The following ITFG2 variants were observed in gnomAD, a reference collection of about 807,000 sequenced individuals.
ITFG2 encodes the protein KICSTOR complex protein ITFG2.
Under a neutral mutation model 54.4 loss-of-function variants are expected in ITFG2, and 36 were observed. The observed-to-expected ratio is 0.66, with a 90% CI of 0.51 to 0.87. The LOEUF is 0.87. Among genes scored for constraint, ITFG2 ranks in the 40% least tolerant of loss-of-function variants. The pLI, the probability that ITFG2 is intolerant of heterozygous loss-of-function variation, is 0.00. For missense variants in ITFG2, 524 were observed against 576.7 expected, an observed-to-expected ratio of 0.91 and a Z score of 0.94; for synonymous variants, 211 against 225.4, an observed-to-expected ratio of 0.94 and a Z score of 0.57.
chr12:2,858,672 A>C, intron 3 of ITFG2: 1 of 1,614,118 alleles, frequency 6.2e-7, no homozygotes, highest in Non-Finnish European at 8.5e-7. Context: ...GGACCAGTTG[A>C]TGTTGTCAGG....
At chr12:2,835,408 G>A (rs571987072), upstream of ITFG2, 7 of 179,970 alleles carry the variant, frequency 3.9e-5, no homozygotes, top group South Asian at 3.3e-4. Context: ...CAGGGCTGGC[G>A]CGCAGGCCAG....
intron 2 of ITFG2, chr12:2,855,314 G>A: frequency 6.5e-7 from 1 of 1,532,444 alleles, no homozygotes; most frequent in Non-Finnish European, 8.7e-7. Flanking sequence ...TCTGTGCAGG[G>A]CGGCAGCTTC....
chr12:2,828,610 C>T (rs551394175), downstream of ITFG2, among the ~76,000 whole-genome samples: 6 of 152,194 alleles, frequency 3.9e-5, no homozygotes, highest in Admixed American at 6.5e-5. Flanking sequence ...AAGGCCGAGG[C>T]GGGTGGATCA....
At chr12:2,827,222 T>C (rs1160811474), downstream of ITFG2, 1 of 1,614,018 alleles carries the variant, frequency 6.2e-7, no homozygotes, top group Non-Finnish European at 8.5e-7. This position sits in a 1 kb window ranked among gnomAD's most constrained non-coding sequence, Gnocchi z 4.0. Flanking sequence ...GGCCAGGCTC[T>C]TGGTACAAAG....
Position 2,821,377 on chromosome 12 carries a change from G to A in ITFG2, c.793+18G>A, listed in dbSNP as rs970656474. On this transcript the variant is annotated intron_variant, in intron 7 of 11. Transcript: ENST00000228799. The stretch of plus-strand genomic sequence containing the variant: ...CAAACAAGGTGAAAGTGTGGTGGGT[G>A]TGAGGGAGGGAGATGAGGGGTAGCC... The A allele has an allele frequency of 1.3e-6, 2 of 1,594,956 alleles. No homozygotes were observed. The highest frequency in any genetic ancestry group is 1.7e-6 in the Non-Finnish European group (2 of 1,167,712).
intron 1 of ITFG2, among the ~76,000 whole-genome samples, chr12:2,837,649 C>A (rs2098031869): frequency 6.6e-6 from 1 of 151,704 alleles, no homozygotes; most frequent in Non-Finnish European, 1.5e-5. Context: ...AAAAAAAAAC[C>A]CAAAAAACAA....
At chr12:2,828,811 CAGCCTGGGCAACAAG>C (rs1416431312), downstream of ITFG2, among the ~76,000 whole-genome samples, 6 of 152,158 alleles carry the variant, frequency 3.9e-5, no homozygotes, top group African/African-American at 1.2e-4. Flanking sequence ...CATTACACTC[CAGCCTGGGCAACAAG>C]AGCAAAACTC....
At chr12:2,838,314 C>T (rs1375894728) in intron 1 of ITFG2, among the ~76,000 whole-genome samples, 1 of 152,226 alleles carries the variant, frequency 6.6e-6, no homozygotes, top group East Asian at 1.9e-4. Context: ...AATTCTTCAG[C>T]ATCTTCAAGA....
intron 2 of ITFG2, chr12:2,849,189 C>A: frequency 1.3e-6 from 2 of 1,500,222 alleles, no homozygotes; most frequent in Non-Finnish European, 1.8e-6. Flanking sequence ...ACACTGGAGC[C>A]TGGGGCTCTG....
intron 2 of ITFG2, chr12:2,849,385 G>T (rs1159505712): frequency 1.3e-6 from 2 of 1,536,062 alleles, no homozygotes; most frequent in African/African-American, 1.4e-5. Flanking sequence ...GGGCAGCAAG[G>T]CCAGCTTTAG....
At chr12:2,849,615 C>T (rs2098063773) in intron 2 of ITFG2, 16 of 1,421,048 alleles carry the variant, frequency 1.1e-5, no homozygotes, top group Non-Finnish European at 1.5e-5. Flanking sequence ...GGTGATGCCG[C>T]TGTCCACAAG....
At chr12:2,817,831 C>A (rs936751319) in intron 2 of ITFG2, 78 bp from the exon 3 acceptor site, 3 of 1,415,750 alleles carry the variant, frequency 2.1e-6, no homozygotes, top group Non-Finnish European at 2.9e-6. Context: ...AAAACCTGCC[C>A]GCTCCTCCTG....
chr12:2,838,056 A>G (rs1280560036), intron 1 of ITFG2, among the ~76,000 whole-genome samples: 1 of 152,142 alleles, frequency 6.6e-6, no homozygotes, highest in Non-Finnish European at 1.5e-5. Flanking sequence ...ACTTAGCTTT[A>G]GTGGAACTTT....
In ITFG2 at chr12:2,821,484, C is replaced by A. The variant is rs374866326; in HGVS notation, c.794-59C>A. 119 of 1,588,024 alleles carry A rather than the reference C, an allele frequency of 7.5e-5. 1 individual carries two copies. Among genetic ancestry groups the A allele is most frequent in the Admixed American group, 6.7e-4 (40 of 59,898 alleles). On this transcript the variant is annotated intron_variant, in intron 7 of 11. Coordinates refer to ENST00000228799, the MANE Select transcript of ITFG2 (RefSeq NM_018463.4). ...TCCCCTGCTGCTGCAGAACACCCCT[C>A]TCCCCGTAGGCTCTGACCTTGCCCT...
At chr12:2,835,144 C>T (rs879331877), upstream of ITFG2, 90 of 1,371,934 alleles carry the variant, frequency 6.6e-5, no homozygotes, top group Middle Eastern at 5.3e-4. Context: ...TCAGAGCGGG[C>T]GGTGGATGGG....
chr12:2,812,901 G>C (rs745871019), intron 1 of ITFG2, 45 bp downstream of exon 1: 8 of 1,531,348 alleles, frequency 5.2e-6, no homozygotes, highest in Middle Eastern at 1.8e-4. Flanking sequence ...TCTGTGCAGG[G>C]ACGGGGCAAG....
chr12:2,815,486 GC>G (rs1407399803), intron 1 of ITFG2, among the ~76,000 whole-genome samples: 1 of 152,222 alleles, frequency 6.6e-6, no homozygotes, highest in African/African-American at 2.4e-5. Context: ...TTCAGGCTCT[GC>G]CCCCTCAGGC....
upstream of ITFG2, among the ~76,000 whole-genome samples, chr12:2,833,166 C>T (rs568971462): frequency 1.4e-4 from 22 of 151,980 alleles, no homozygotes; most frequent in Middle Eastern, 3.4e-3. Flanking sequence ...GTGAAAAGCC[C>T]GGGACTTTCT....
chr12:2,827,533 C>T, downstream of ITFG2: 1 of 1,593,122 alleles, frequency 6.3e-7, no homozygotes, highest in Non-Finnish European at 8.5e-7. The surrounding 1 kb of genome is among the most constrained non-coding windows in gnomAD (Gnocchi z 4.0). Context: ...ATCTCTAAGT[C>T]ACTCTCATCA....
Sources: gnomAD v4.1 joint callset for allele counts (sites outside exome capture counted in the v4.1 genomes callset) on GRCh38, gnomAD v4.1.1 for gene constraint, Gnocchi (gnomAD v3.1) non-coding constraint, MANE v1.5 for transcripts, NCBI Gene and HGNC (gene_info 2026-07-23, HGNC 2026-07-21) for gene names.